Variants in MACROD2 observed in about 807,000 individuals in gnomAD.
The protein encoded by MACROD2 is ADP-ribose glycohydrolase MACROD2.
A neutral mutation model predicts 70.4 loss-of-function variants in MACROD2; 36 were observed. The observed-to-expected ratio is 0.51, with a 90% CI of 0.39 to 0.68. The LOEUF (loss-of-function observed/expected upper bound fraction) is 0.68. Ranked by LOEUF, MACROD2 falls within the 30% of genes least tolerant of loss-of-function variation. MACROD2 has a pLI of 0.00. For synonymous variants in MACROD2, 172 were observed against 178.8 expected (o/e 0.96, Z 0.30); for missense variants, 496 against 538.4 (o/e 0.92, Z 0.78).
chr20:15,941,379 G>A (rs189887780), intron 12 of MACROD2, among the ~76,000 whole-genome samples: 60 of 152,156 alleles, frequency 3.9e-4, no homozygotes, highest in African/African-American at 1.4e-3. Context: ...TTCTGAAATA[G>A]CATGTATAGA....
At chr20:15,220,913 A>G (rs901408202) in intron 5 of MACROD2, among the ~76,000 whole-genome samples, 1 of 152,142 alleles carries the variant, frequency 6.6e-6, no homozygotes, top group African/African-American at 2.4e-5. Flanking sequence ...GGACAGAATT[A>G]ATGACTGAGT....
At chr20:14,531,659 G>A (rs560855072) in intron 4 of MACROD2, among the ~76,000 whole-genome samples, 7 of 152,260 alleles carry the variant, frequency 4.6e-5, no homozygotes, top group South Asian at 2.1e-4. Flanking sequence ...TGGAGGTAAC[G>A]TTTTGCCTAT....
intron 6 of MACROD2, among the ~76,000 whole-genome samples, chr20:15,292,673 C>A (rs1325760063): frequency 6.6e-6 from 1 of 152,040 alleles, no homozygotes; most frequent in Admixed American, 6.6e-5. Flanking sequence ...GTCACTTAGC[C>A]CTGGGGCCTC....
At chr20:15,017,165 G>T (rs1467725310) in intron 5 of MACROD2, among the ~76,000 whole-genome samples, 1 of 152,130 alleles carries the variant, frequency 6.6e-6, no homozygotes, top group Non-Finnish European at 1.5e-5. Flanking sequence ...CAGAAGCAAG[G>T]TAGTTACTTC....
chr20:16,020,816 C>T (rs924841661), intron 15 of MACROD2, among the ~76,000 whole-genome samples: 3 of 152,098 alleles, frequency 2.0e-5, no homozygotes, highest in South Asian at 4.2e-4. Flanking sequence ...CTCAAAGCCT[C>T]GCTCGGCTCT....
intron 3 of MACROD2, among the ~76,000 whole-genome samples, chr20:14,201,001 G>T (rs147865479): frequency 6.9e-6 from 1 of 144,484 alleles, no homozygotes. Flanking sequence ...TTTTACCTAT[G>T]AAGGATGTTT....
chr20:14,546,543 T>C (rs951138082), intron 4 of MACROD2, among the ~76,000 whole-genome samples: 2 of 152,172 alleles, frequency 1.3e-5, no homozygotes, highest in Admixed American at 1.3e-4. Flanking sequence ...AAATAGAGAC[T>C]ACATCTTGCT....
intron 5 of MACROD2, among the ~76,000 whole-genome samples, chr20:15,071,429 C>T (rs2075618582): frequency 6.6e-6 from 1 of 152,174 alleles, no homozygotes; most frequent in African/African-American, 2.4e-5. Flanking sequence ...TTCATGCCTT[C>T]CTTCCCTAGC....
intron 6 of MACROD2, among the ~76,000 whole-genome samples, chr20:15,417,585 C>T (rs1467859654): frequency 5.4e-5 from 6 of 110,172 alleles, no homozygotes; most frequent in African/African-American, 1.5e-4. Context: ...GGTGACAGAG[C>T]GAAACCCTGT....
intron 3 of MACROD2, among the ~76,000 whole-genome samples, chr20:14,414,544 A>G (rs1600215819): frequency 6.6e-6 from 1 of 152,130 alleles, no homozygotes; most frequent in Non-Finnish European, 1.5e-5. Context: ...CAAATACAGT[A>G]TTTTACATAG....
At chr20:14,678,744 G>A (rs1005880210) in intron 4 of MACROD2, among the ~76,000 whole-genome samples, 1 of 152,090 alleles carries the variant, frequency 6.6e-6, no homozygotes, top group African/African-American at 2.4e-5. Flanking sequence ...CTGACCCTTT[G>A]TGAAGTCAAA....
At chr20:15,294,591 C>T (rs1034638182) in intron 6 of MACROD2, among the ~76,000 whole-genome samples, 1 of 152,202 alleles carries the variant, frequency 6.6e-6, no homozygotes, top group Non-Finnish European at 1.5e-5. Context: ...ACCTGTAATC[C>T]AGTGGGTCTC....
intron 8 of MACROD2, among the ~76,000 whole-genome samples, chr20:15,541,924 C>T (rs1299282581): frequency 6.6e-6 from 1 of 152,170 alleles, no homozygotes; most frequent in Non-Finnish European, 1.5e-5. Context: ...CTAAGAAGCA[C>T]AAATGATGCC....
At chr20:14,075,971 A>G (rs981789799) in intron 2 of MACROD2, among the ~76,000 whole-genome samples, 1 of 152,216 alleles carries the variant, frequency 6.6e-6, no homozygotes, top group Admixed American at 6.5e-5. Flanking sequence ...AATCTTAAAA[A>G]TCTTCTCTAT....
At chr20:14,866,343 C>A (rs1044678804) in intron 5 of MACROD2, among the ~76,000 whole-genome samples, 1 of 152,058 alleles carries the variant, frequency 6.6e-6, no homozygotes, top group African/African-American at 2.4e-5. Context: ...GTTAATTGAT[C>A]ACATCCAAAG....
intron 5 of MACROD2, among the ~76,000 whole-genome samples, chr20:14,768,318 A>G (rs2072118645): frequency 6.6e-6 from 1 of 151,982 alleles, no homozygotes; most frequent in Non-Finnish European, 1.5e-5. Context: ...CTGACTTTTT[A>G]ATGATCGCCA....
intron 6 of MACROD2, among the ~76,000 whole-genome samples, chr20:15,378,083 A>C (rs2045587027): frequency 6.6e-6 from 1 of 151,976 alleles, no homozygotes; most frequent in African/African-American, 2.4e-5. Context: ...TGGCACGTGT[A>C]TACCTATGTA....
intron 12 of MACROD2, among the ~76,000 whole-genome samples, chr20:15,962,787 A>C (rs2066081651): frequency 6.6e-6 from 1 of 152,160 alleles, no homozygotes; most frequent in South Asian, 2.1e-4. Flanking sequence ...GACCAACTAT[A>C]GCTCATTTGG....
chr20:15,469,296 T>C (rs1460404249), intron 7 of MACROD2, among the ~76,000 whole-genome samples: 1 of 152,192 alleles, frequency 6.6e-6, no homozygotes, highest in African/African-American at 2.4e-5. Context: ...GGGGATGATC[T>C]GAAATGAAAG....
Sources: gnomAD v4.1 joint callset for allele counts (sites outside exome capture counted in the v4.1 genomes callset) on GRCh38, gnomAD v4.1.1 for gene constraint, MANE v1.5 for transcripts, NCBI Gene and HGNC (gene_info 2026-07-23, HGNC 2026-07-21) for gene names.